BRWD1: variants seen among roughly 807,000 people sequenced by gnomAD.
The protein encoded by BRWD1 is bromodomain and WD repeat-containing protein 1.
A neutral mutation model predicts 251.2 loss-of-function variants in BRWD1; 82 were observed. The observed-to-expected ratio is 0.33, with a 90% CI of 0.27 to 0.39. The LOEUF (loss-of-function observed/expected upper bound fraction) is 0.39, where lower values mean the gene tolerates loss of function less well. Among genes scored for constraint, BRWD1 ranks in the 10% least tolerant of loss-of-function variants. The probability of loss-of-function intolerance (pLI) is 1.00; values close to 1 mark genes in which losing one functional copy is unlikely to be tolerated. For missense variants in BRWD1, 2,233 were observed against 2,711.6 expected, an observed-to-expected ratio of 0.82 and a Z score of 3.92; for synonymous variants, 918 against 902.8, an observed-to-expected ratio of 1.02 and a Z score of -0.30.
Position 39,277,244 on chromosome 21 carries a change from T to G in BRWD1, c.1104+7A>C. On this transcript the variant is annotated splice_region_variant and intron_variant, in intron 11 of 40. Coordinates refer to ENST00000342449, the MANE Select transcript of BRWD1 (RefSeq NM_033656.4). Reference sequence around the variant, plus strand: ...AATCTAAAGGATTTTAAAACGTGGATGCTTACAGTGTGGCTTTCAAGTTCT... The same window carrying G: ...AATCTAAAGGATTTTAAAACGTGGAGGCTTACAGTGTGGCTTTCAAGTTCT... The G allele has an allele frequency of 6.3e-7, 1 of 1,590,464 alleles. No homozygotes were observed. The highest frequency in any genetic ancestry group is 8.6e-7 in the Non-Finnish European group (1 of 1,160,984).
intron 10 of BRWD1, 38 bp downstream of exon 10, chr21:39,278,705 A>G (rs2035356082): frequency 6.7e-7 from 1 of 1,502,142 alleles, no homozygotes; most frequent in Non-Finnish European, 9.0e-7. Context: ...GATGTTTAAA[A>G]AAAAAAAACT....
At chr21:39,198,137 C>G (rs541208763) in intron 40 of BRWD1, among the ~76,000 whole-genome samples, 12 of 152,150 alleles carry the variant, frequency 7.9e-5, no homozygotes, top group Non-Finnish European at 1.8e-4. Flanking sequence ...TTAGTTTTAG[C>G]TGTCTTCTGC....
chr21:39,245,114 G>A (rs1055968507), intron 21 of BRWD1, among the ~76,000 whole-genome samples: 1 of 151,722 alleles, frequency 6.6e-6, no homozygotes, highest in African/African-American at 2.4e-5. Flanking sequence ...AGGGTGGCTG[G>A]TGCCTGTTAA....
chr21:39,277,382 C>A, intron 10 of BRWD1, 31 bp from the exon 11 acceptor site: 1 of 1,356,648 alleles, frequency 7.4e-7, no homozygotes. Context: ...TTTAAACATC[C>A]AGTTTATAAC....
intron 8 of BRWD1, among the ~76,000 whole-genome samples, chr21:39,282,586 C>A: frequency 6.6e-6 from 1 of 152,154 alleles, no homozygotes; most frequent in East Asian, 1.9e-4. Flanking sequence ...ACCTTCCACA[C>A]TGAATTGCTA....
rs1484821569 is a variant in BRWD1 at position 39,190,081 on chromosome 21, G to C, written c.*6178C>G. The C allele has an allele frequency of 1.0e-6, 1 of 985,214 alleles. No individual in the cohort carries two copies. The highest frequency in any genetic ancestry group is 1.2e-6 in the Non-Finnish European group (1 of 829,888). 61.0% of individuals were successfully genotyped at this position (985,214 alleles called of 1,614,324 possible). On this transcript the variant is annotated 3_prime_UTR_variant, in exon 41 of 41. Transcript: ENST00000342449. The stretch of plus-strand genomic sequence containing the variant: ...GTAGCACTCCATGATCATTTCCCTG[G>C]ATGACCACTTTAAATTATAACTCAC...
In BRWD1 at chr21:39,278,790, T is replaced by G. The variant is rs761880178; in HGVS notation, c.956A>C (p.Glu319Ala). ...KFSPRPLKFT[E>A]KPRPGVQMLC... is the part of the protein sequence containing the mutation. ...CATTTGAACGCCTGGCCTAGGCTTT[T>G]CAGTGAACTTCAGGGGACGTGGGCT... The change falls in exon 10 of 41, where the codon GAA becomes GCA. Residue 319 changes from glutamate (E) to alanine (A), a missense_variant. Glu to Ala is a moderately radical substitution (Grantham distance 107). Transcript: ENST00000342449. The G allele has an allele frequency of 1.9e-6, 3 of 1,595,350 alleles. No homozygotes were observed. The African/African-American group carries it at 4.1e-5, about 22-fold the overall frequency.
intron 9 of BRWD1, among the ~76,000 whole-genome samples, chr21:39,279,657 GAAAA>G (rs762764578): frequency 8.1e-5 from 9 of 111,044 alleles, no homozygotes; most frequent in African/African-American, 2.2e-4. Context: ...AAAAAAAAAA[GAAAA>G]AAAAAAAGAA....
In BRWD1 at chr21:39,190,340, T is replaced by C. The variant is rs1049191404; in HGVS notation, c.*5919A>G. ...ACTGCATATGGTTACTACAGAAGCA[T>C]TATAAAATTTTCATTGGCATTTTTA... On this transcript the variant is annotated 3_prime_UTR_variant, in exon 41 of 41. Transcript: ENST00000342449. 2.0e-5 allele frequency: 20 copies of C among 984,934 alleles called. No homozygotes were observed. The African/African-American group carries it at 3.5e-4, about 17-fold the overall frequency. The allele number at this position is 984,934 out of a possible 1,614,324, so 61.0% of individuals were successfully genotyped here.
At chr21:39,279,638 C>CAAA (rs77282416) in intron 9 of BRWD1, among the ~76,000 whole-genome samples, 9 of 66,776 alleles carry the variant, frequency 1.3e-4, no homozygotes, top group South Asian at 5.6e-4. Flanking sequence ...GACTCCATCT[C>CAAA]AAAAAAAAAA....
chr21:39,207,538 T>C (rs770974618), intron 36 of BRWD1, among the ~76,000 whole-genome samples: 16 of 151,214 alleles, frequency 1.1e-4, no homozygotes, highest in Non-Finnish European at 1.9e-4. Flanking sequence ...AACTGTGGCT[T>C]TTATACACTG....
At chr21:39,209,955 G>C in intron 36 of BRWD1, 40 bp downstream of exon 36, 1 of 1,594,482 alleles carries the variant, frequency 6.3e-7, no homozygotes. Context: ...TATCTACACA[G>C]ATCAGGCAGT....
At chr21:39,263,051 GC>G (rs934929287) in intron 17 of BRWD1, among the ~76,000 whole-genome samples, 4 of 152,078 alleles carry the variant, frequency 2.6e-5, no homozygotes, top group Non-Finnish European at 5.9e-5. Flanking sequence ...CCTGCAGTCA[GC>G]CAAGATCGCA....
At chr21:39,226,903 T>A (rs1463134720) in intron 27 of BRWD1, among the ~76,000 whole-genome samples, 1 of 152,156 alleles carries the variant, frequency 6.6e-6, no homozygotes, top group Admixed American at 6.6e-5. Context: ...GCAAGAGGAT[T>A]GCTTGAGCCC....
At chr21:39,298,058 A>G (rs1490341300) in intron 5 of BRWD1, 1 of 988,606 alleles carries the variant, frequency 1.0e-6, no homozygotes, top group African/African-American at 1.7e-5. Context: ...CAGAAGCTAA[A>G]TATCAAATGA....
chr21:39,269,867 G>T (rs1265184798), intron 15 of BRWD1, 32 bp downstream of exon 15: 1 of 1,436,334 alleles, frequency 7.0e-7, no homozygotes, highest in Non-Finnish European at 9.2e-7. Flanking sequence ...AAATTATCAA[G>T]CATGTATCAA....
At chr21:39,297,111 A>AATGC in intron 5 of BRWD1, 4 of 985,392 alleles carry the variant, frequency 4.1e-6, no homozygotes, top group Non-Finnish European at 4.8e-6. Context: ...CCTACCAGCA[A>AATGC]ATGCACTAAG....
At chr21:39,185,295 T>TAAAAAAAAAAAAAAAAAAAA (rs10525862), downstream of BRWD1, 79 of 71,808 alleles carry the variant, frequency 1.1e-3, 1 homozygote, top group Non-Finnish European at 1.3e-3. Flanking sequence ...CTGAAATTGC[T>TAAAAAAAAAAAAAAAAAAAA]AAAAAAAAAA....
chr21:39,196,921 T>C lies in BRWD1; in HGVS notation c.6148A>G (p.Thr2050Ala), dbSNP rs73357824. 1,115 of 1,613,902 alleles carry C rather than the reference T, an allele frequency of 6.9e-4. 14 individuals are homozygous for C. In the African/African-American group the frequency reaches 0.014, roughly 20 times the overall value. Residue 2050 changes from threonine (T) to alanine (A), a missense_variant, in exon 41 of 41, where the codon ACA becomes GCA. Thr to Ala is a moderately conservative substitution (Grantham distance 58). This residue lies in a region of BRWD1 where 928 missense variants were observed against 970.0 expected (regional missense o/e 0.96). Coordinates refer to ENST00000342449, the MANE Select transcript of BRWD1 (RefSeq NM_033656.4). ...CTTTTTGAATCTTCTCCTGAAGATGTAACAGAGGAACTTTTTCTTTTAGAA... is the reference window on the plus strand; with the variant it reads ...CTTTTTGAATCTTCTCCTGAAGATGCAACAGAGGAACTTTTTCTTTTAGAA... ...APSKRKSSSV[T>A]SSGEDSKSHI... is the part of the protein sequence containing the mutation.
Sources: gnomAD v4.1 joint callset for allele counts (sites outside exome capture counted in the v4.1 genomes callset) on GRCh38, gnomAD v4.1.1 for gene constraint, gnomAD v4.1.1 regional missense constraint, MANE v1.5 for transcripts, NCBI Gene and HGNC (gene_info 2026-07-23, HGNC 2026-07-21) for gene names.